The following UNC13C variants were observed in gnomAD, a reference collection of about 807,000 sequenced individuals.
UNC13C encodes protein unc-13 homolog C.
A neutral mutation model predicts 245.4 loss-of-function variants in UNC13C; 174 were observed. That is an observed-to-expected ratio of 0.71 (90% CI 0.63 to 0.80). The LOEUF (loss-of-function observed/expected upper bound fraction) is 0.80, where lower values mean the gene tolerates loss of function less well. Among genes scored for constraint, UNC13C ranks in the 30% least tolerant of loss-of-function variants. The pLI is 0.00. For synonymous variants in UNC13C, 992 were observed against 895.1 expected (o/e 1.11, Z -1.93); for missense variants, 2,829 against 2,602.9 (o/e 1.09, Z -1.89).
At chr15:54,143,520 C>G in intron 3 of UNC13C, 100 bp from the exon 4 acceptor site, 3 of 832,506 alleles carry the variant, frequency 3.6e-6, no homozygotes, top group South Asian at 3.2e-5. Context: ...CTAGGTGTTA[C>G]GTGTGTAGTG....
At chr15:54,592,406 C>T (rs966677988) in intron 30 of UNC13C, among the ~76,000 whole-genome samples, 20 of 152,088 alleles carry the variant, frequency 1.3e-4, no homozygotes, top group Non-Finnish European at 1.9e-4. Context: ...TGAAGTCCCC[C>T]ACTATTATTG....
intron 14 of UNC13C, among the ~76,000 whole-genome samples, chr15:54,330,630 T>A (rs558639069): frequency 4.6e-5 from 7 of 152,206 alleles, no homozygotes; most frequent in Admixed American, 2.0e-4. Flanking sequence ...TGATTAACTT[T>A]ACTGTGGCCT....
intron 29 of UNC13C, among the ~76,000 whole-genome samples, chr15:54,565,921 G>A (rs941454053): frequency 1.3e-4 from 19 of 151,916 alleles, no homozygotes; most frequent in African/African-American, 4.3e-4. Flanking sequence ...TATCAGTTTT[G>A]GTTTTCCTTC....
chr15:54,477,932 C>G (rs62024026), intron 19 of UNC13C, among the ~76,000 whole-genome samples: 1 of 138,212 alleles, frequency 7.2e-6, no homozygotes, highest in Non-Finnish European at 1.6e-5. Context: ...GTGAATCCAT[C>G]TGGTCCTGGA....
intron 17 of UNC13C, among the ~76,000 whole-genome samples, chr15:54,382,008 T>G (rs561601): frequency 0.24 from 36,258 of 152,042 alleles, 4,528 homozygotes; most frequent in East Asian, 0.31. Context: ...ACAAAACAAG[T>G]TTCAAAATAT....
chr15:53,861,688 C>G, the UNC13C span, among the ~76,000 whole-genome samples: 3 of 152,136 alleles, frequency 2.0e-5, no homozygotes, highest in African/African-American at 7.2e-5. Context: ...ACATGAAACA[C>G]AATGAGTTGG....
At chr15:54,403,522 G>A (rs2040230149) in intron 18 of UNC13C, among the ~76,000 whole-genome samples, 1 of 151,854 alleles carries the variant, frequency 6.6e-6, no homozygotes, top group African/African-American at 2.4e-5. Flanking sequence ...AGGAGTTTGA[G>A]ATCAGTACAT....
intron 12 of UNC13C, among the ~76,000 whole-genome samples, chr15:54,300,008 T>C (rs958492115): frequency 1.3e-5 from 2 of 152,188 alleles, no homozygotes; most frequent in Non-Finnish European, 2.9e-5. Flanking sequence ...TCAGCGCTTT[T>C]ACCCAGGCAG....
intron 30 of UNC13C, among the ~76,000 whole-genome samples, chr15:54,604,621 C>T (rs1352595493): frequency 1.3e-5 from 2 of 152,154 alleles, no homozygotes; most frequent in Admixed American, 6.5e-5. Context: ...GCCAGAATCC[C>T]CACTGGTCTT....
intron 17 of UNC13C, 88 bp downstream of exon 17, chr15:54,338,577 T>C (rs1192562540): frequency 7.1e-7 from 1 of 1,413,146 alleles, no homozygotes; most frequent in Non-Finnish European, 9.6e-7. Flanking sequence ...AATAGAAAAG[T>C]ATGTTCATTT....
intron 17 of UNC13C, among the ~76,000 whole-genome samples, chr15:54,342,403 AT>A (rs922038243): frequency 1.9e-4 from 29 of 149,962 alleles, no homozygotes; most frequent in East Asian, 5.9e-4. Flanking sequence ...TATCTCTACA[AT>A]TTTTTTTTTA....
At chr15:53,995,855 A>G (rs1313201100) in intron 1 of UNC13C, among the ~76,000 whole-genome samples, 1 of 152,144 alleles carries the variant, frequency 6.6e-6, no homozygotes, top group Non-Finnish European at 1.5e-5. Flanking sequence ...CTGGATGGTG[A>G]GAGGTTGGAG....
intron 2 of UNC13C, among the ~76,000 whole-genome samples, chr15:54,120,749 AG>A (rs2030610087): frequency 1.3e-5 from 2 of 152,164 alleles, no homozygotes; most frequent in South Asian, 4.2e-4. Context: ...CAACATTAAT[AG>A]GAGTTGGAAA....
intron 13 of UNC13C, among the ~76,000 whole-genome samples, chr15:54,315,852 C>G (rs2037994641): frequency 6.6e-6 from 1 of 151,812 alleles, no homozygotes; most frequent in South Asian, 2.1e-4. Context: ...TCCTGCTCTC[C>G]TTATGAATTC....
At chr15:54,347,790 A>G (rs569722339) in intron 17 of UNC13C, among the ~76,000 whole-genome samples, 13 of 152,278 alleles carry the variant, frequency 8.5e-5, no homozygotes, top group African/African-American at 2.6e-4. Context: ...ATGCACATAT[A>G]TGCTTAGTCT....
chr15:53,918,401 G>C, the UNC13C span, among the ~76,000 whole-genome samples: 4 of 151,956 alleles, frequency 2.6e-5, no homozygotes, highest in Non-Finnish European at 5.9e-5. Flanking sequence ...CTTACTAACA[G>C]CTTGTTAACA....
intron 30 of UNC13C, among the ~76,000 whole-genome samples, chr15:54,586,879 G>C (rs1898520484): frequency 6.6e-6 from 1 of 152,172 alleles, no homozygotes; most frequent in African/African-American, 2.4e-5. Flanking sequence ...GAAAGAGCTA[G>C]AAAAGTAAAT....
rs115034741 is a variant in UNC13C, at chr15:53,980,736, A to C, written c.-257+1809A>C. Among the ~76,000 whole-genome samples the C allele has an allele frequency of 4.0e-3, 606 of 152,240 alleles. 3 individuals carry two copies. The highest frequency in any genetic ancestry group is 0.014 in the African/African-American group (569 of 41,540). ...ACTCCTTCCAGAGATCATCATCACT[A>C]TGTGCTAGGTAAATTCATGCCCAGG... On this transcript the variant is annotated intron_variant, in intron 1 of 32. Coordinates refer to ENST00000260323, the MANE Select transcript of UNC13C (RefSeq NM_001080534.3).
At chr15:54,128,768 G>C (rs189371516) in intron 2 of UNC13C, among the ~76,000 whole-genome samples, 160 of 152,250 alleles carry the variant, frequency 1.1e-3, no homozygotes, top group African/African-American at 3.6e-3. Context: ...GAAATGGCTG[G>C]GAGTTGAGAC....
Sources: gnomAD v4.1 joint callset for allele counts (sites outside exome capture counted in the v4.1 genomes callset) on GRCh38, gnomAD v4.1.1 for gene constraint, MANE v1.5 for transcripts, NCBI Gene and HGNC (gene_info 2026-07-23, HGNC 2026-07-21) for gene names.